The following SSC5D variants were observed in gnomAD, a reference collection of about 807,000 sequenced individuals.
The protein encoded by SSC5D is scavenger receptor cysteine rich family member with 5 domains.
SSC5D carries 106 observed loss-of-function variants against 104.6 expected under a neutral mutation model. That is an observed-to-expected ratio of 1.01 (90% confidence interval 0.87 to 1.19). The LOEUF (loss-of-function observed/expected upper bound fraction) is 1.19. SSC5D is among the 50% of genes most tolerant of loss of function. The pLI is 0.00. For missense variants in SSC5D, 1,993 were observed against 2,153.8 expected, an observed-to-expected ratio of 0.93 and a Z score of 1.48; for synonymous variants, 860 against 883.5, an observed-to-expected ratio of 0.97 and a Z score of 0.47.
intron 1 of SSC5D, 102 bp from the exon 2 acceptor site, chr19:55,488,904 G>GTGTGTGTGTA (rs1987037105): frequency 7.2e-6 from 1 of 139,830 alleles, no homozygotes; most frequent in African/African-American, 3.0e-4. Context: ...GTGTGTGTGT[G>GTGTGTGTGTA]TGTGTGTGTG....
In SSC5D at chr19:55,500,218, AG is replaced by A; in HGVS notation, c.2110del (p.Ala704ProfsTer13). The A allele has an allele frequency of 1.3e-6, 2 of 1,550,904 alleles. No individual in the cohort carries two copies. The highest frequency in any genetic ancestry group is 1.7e-6 in the Non-Finnish European group (2 of 1,146,848). ...CACACCACTGCCACGCTGACCCCTC[AG>A]GCCCCCCGAGAACGGACCACTAAGA... is the stretch of plus-strand genomic sequence containing the variant. ...TSHTTATLTP[Q>X]APRERTTKTM... On this transcript the variant is annotated frameshift_variant, in exon 10 of 14. Coordinates refer to ENST00000389623, the MANE Select transcript of SSC5D (RefSeq NM_001144950.2). LOFTEE classifies it high-confidence loss of function. The surrounding 1 kb of genome is among the most constrained non-coding windows in gnomAD (Gnocchi z 4.6).
At position 55,503,161 on chromosome 19, in the gene SSC5D, A is replaced by C. The variant is rs1330062405; in HGVS notation, c.2785+1960A>C. ...TCACTATGTTGCCCAGGCTGGTCTCAAACTCTTGGGCTCAAGTCATCGGCT... is the reference window on the plus strand; with the variant it reads ...TCACTATGTTGCCCAGGCTGGTCTCCAACTCTTGGGCTCAAGTCATCGGCT... On this transcript the variant is annotated intron_variant, in intron 12 of 13. Coordinates refer to ENST00000389623, the MANE Select transcript of SSC5D (RefSeq NM_001144950.2). The surrounding 1 kb of genome is among the most constrained non-coding windows in gnomAD (Gnocchi z 4.0). Among the ~76,000 whole-genome samples the C allele has an allele frequency of 1.3e-5, 2 of 151,938 alleles. No individual in the cohort carries two copies. The highest frequency in any genetic ancestry group is 1.3e-4 in the Admixed American group (2 of 15,244).
rs775648442 is a variant in SSC5D at position 55,518,242 on chromosome 19, C to A, written c.3966C>A (p.Thr1322=). The A allele has an allele frequency of 3.4e-6, 5 of 1,474,676 alleles. No individual in the cohort carries two copies. The African/African-American group carries it at 8.4e-5, about 25-fold the overall frequency. The allele number at this position is 1,474,676 out of a possible 1,614,324, so 91.3% of individuals were successfully genotyped here. The change falls in exon 14 of 14, where the codon ACC becomes ACA. Residue 1322 remains threonine (T), a synonymous_variant. Coordinates refer to ENST00000389623, the MANE Select transcript of SSC5D (RefSeq NM_001144950.2). ...YPTTTPDPTT[T]PHPTTPDPSS... ...CCACTACTCCTGATCCCACCACGAC[C>A]CCTCACCCCACAACTCCTGACCCTT...
chr19:55,499,750 G>C lies in SSC5D; in HGVS notation c.1706-66G>C, dbSNP rs1987420747. ...GGTGAGTGACTGGAGAGAAGGAGGG[G>C]CCTGGGTAGATGATCTTGTCATCAT... On this transcript the variant is annotated intron_variant, in intron 9 of 13. Transcript: ENST00000389623. 7 of 1,280,806 alleles carry C rather than the reference G, an allele frequency of 5.5e-6. No homozygotes were observed. The Admixed American group carries it at 9.2e-5, about 17-fold the overall frequency. 79.3% of individuals were successfully genotyped at this position (1,280,806 alleles called of 1,614,324 possible).
At chr19:55,516,917 C>A (rs113925846) in intron 13 of SSC5D, among the ~76,000 whole-genome samples, 9 of 151,908 alleles carry the variant, frequency 5.9e-5, no homozygotes, top group Admixed American at 4.6e-4. Context: ...CGCACCCCAG[C>A]ACCCCACGCA....
intron 12 of SSC5D, among the ~76,000 whole-genome samples, chr19:55,502,470 T>G (rs1377152758): frequency 6.6e-6 from 1 of 152,126 alleles, no homozygotes; most frequent in African/African-American, 2.4e-5. Context: ...TCGTGGTCAG[T>G]TTCTCTTTAT....
In SSC5D at chr19:55,517,722, C is replaced by T. The variant is rs1987905058; in HGVS notation, c.3446C>T (p.Pro1149Leu). The change falls in exon 14 of 14, where the codon CCT (proline) becomes CTT (leucine). Residue 1149 changes from proline (P) to leucine (L), a missense_variant. By Grantham distance (98) the Pro-to-Leu change is moderately conservative. Coordinates refer to ENST00000389623, the MANE Select transcript of SSC5D (RefSeq NM_001144950.2). ...YSRSPDPSPS[P>L]HPTTTPDPTM... is the part of the protein sequence containing the mutation. Reference sequence around the variant, plus strand: ...AGATCCCCAGACCCCTCCCCAAGCCCTCACCCCACTACTACCCCTGATCCC... The same window carrying T: ...AGATCCCCAGACCCCTCCCCAAGCCTTCACCCCACTACTACCCCTGATCCC... The T allele has an allele frequency of 1.9e-6, 3 of 1,550,640 alleles. No homozygotes were observed. Among genetic ancestry groups the T allele is most frequent in the Non-Finnish European group, 2.6e-6 (3 of 1,146,582 alleles).
Position 55,518,189 on chromosome 19 carries a change from C to G in SSC5D, c.3913C>G (p.Pro1305Ala), listed in dbSNP as rs200305118. 5.8e-3 allele frequency: 8,109 copies of G among 1,388,964 alleles called. 46 individuals carry two copies. Among genetic ancestry groups the G allele is most frequent in the African/African-American group, 0.018 (837 of 47,810 alleles). The allele number at this position is 1,388,964 out of a possible 1,614,324, so 86.0% of individuals were successfully genotyped here. ...PTTTPHPTMT[P>A]DPTTTPYPTT... ...CACAACCCCTCACCCCACCATGACT[C>G]CTGACCCCACCACGACCCCTTACCC... is the stretch of plus-strand genomic sequence containing the variant. Residue 1305 changes from proline to alanine, a missense_variant, in exon 14 of 14, where the codon CCT becomes GCT. Around this residue, in one of 6 missense-constraint regions of SSC5D, gnomAD observed 349 missense variants for 397.6 expected, o/e 0.88. Coordinates refer to ENST00000389623, the MANE Select transcript of SSC5D (RefSeq NM_001144950.2).
chr19:55,490,654 G>A (rs1258673082), intron 5 of SSC5D, 118 bp from the exon 6 acceptor site: 60 of 1,226,934 alleles, frequency 4.9e-5, no homozygotes, highest in African/African-American at 9.2e-5. Flanking sequence ...ACGGGCTGCC[G>A]GCGGACAGAT....
At position 55,515,396 on chromosome 19, in the gene SSC5D, CAAAAAAAAAA is replaced by C. The variant is rs71181781; in HGVS notation, c.2948-1816_2948-1807del. ...GGGCAACAGGAGTGAAACTCCGTCT[CAAAAAAAAAA>C]AAAAAAAAAAAGTTAAATGAATTAA... On this transcript the variant is annotated intron_variant, in intron 13 of 13. Coordinates refer to ENST00000389623, the MANE Select transcript of SSC5D (RefSeq NM_001144950.2). Among the ~76,000 whole-genome samples the C allele has an allele frequency of 3.5e-5, 3 of 86,582 alleles. No homozygotes were observed. The East Asian group carries it at 1.0e-3, about 30-fold the overall frequency. 56.8% of individuals were successfully genotyped at this position (86,582 alleles called of 152,430 possible).
In SSC5D at chr19:55,493,670, G is replaced by C; in HGVS notation, c.971G>C (p.Arg324Pro). 1 of 1,506,924 alleles carries C rather than the reference G, an allele frequency of 6.6e-7. No homozygotes were observed. The highest frequency in any genetic ancestry group is 8.8e-7 in the Non-Finnish European group (1 of 1,134,766). 93.3% of individuals were successfully genotyped at this position (1,506,924 alleles called of 1,614,324 possible). The change falls in exon 7 of 14, where the codon CGC (arginine) becomes CCC (proline). Residue 324 changes from arginine to proline, a missense_variant. Physicochemically the swap from Arg to Pro is moderately radical, Grantham distance 103 (BLOSUM62 -2). This residue lies in a region of SSC5D where 1,101 missense variants were observed against 1,085.0 expected (regional missense o/e 1.01). Transcript: ENST00000389623. ...CGCCTGGAGGTCTGGCACGGGGGTC[G>C]CTGGGGGTCGGTGTGTGACGACGCC... The part of the protein sequence containing the change: ...AGRLEVWHGG[R>P]WGSVCDDAWD...
In SSC5D at chr19:55,500,838, G is replaced by T. The variant is rs1472949208; in HGVS notation, c.2617+34G>T. 1.3e-6 allele frequency: 2 copies of T among 1,531,582 alleles called. No homozygotes were observed. Among genetic ancestry groups the T allele is most frequent in the Non-Finnish European group, 1.8e-6 (2 of 1,135,206 alleles). The allele number at this position is 1,531,582 out of a possible 1,614,324, so 94.9% of individuals were successfully genotyped here. ...GCATGGCGGCGGTGGTGGGGTTGTC[G>T]GGGGTGGCCAGGAGAATGGAGTCAG... On this transcript the variant is annotated intron_variant, in intron 11 of 13. Transcript: ENST00000389623. This position sits in a 1 kb window ranked among gnomAD's most constrained non-coding sequence, Gnocchi z 4.6.
chr19:55,488,745 C>T lies in SSC5D; in HGVS notation c.25+131C>T, dbSNP rs1408052720. On this transcript the variant is annotated intron_variant, in intron 1 of 13. Transcript: ENST00000389623. ...GCTCCTGCATACCCTGACATCCCTT[C>T]TGAGGATCCCTGCTCAATCTGCCCA... The T allele has an allele frequency of 1.1e-5, 9 of 829,704 alleles. No individual in the cohort carries two copies. The African/African-American group carries it at 1.4e-4, about 13-fold the overall frequency. 51.4% of individuals were successfully genotyped at this position (829,704 alleles called of 1,614,324 possible).
rs1216314255 is a variant in SSC5D, at chr19:55,517,803, C to G, written c.3527C>G (p.Pro1176Arg). ...TLNPTVTPHF[P>R]TTPHPTTTPH... ...AACCCTACTGTGACCCCTCACTTCCCTACCACCCCTCACCCCACCACGACC... is the reference window on the plus strand; with the variant it reads ...AACCCTACTGTGACCCCTCACTTCCGTACCACCCCTCACCCCACCACGACC... The change falls in exon 14 of 14, where the codon CCT becomes CGT. Residue 1176 changes from proline to arginine, a missense_variant. By Grantham distance (103) the Pro-to-Arg change is moderately radical. Transcript: ENST00000389623. The G allele has an allele frequency of 6.5e-7, 1 of 1,548,956 alleles. No homozygotes were observed. Among genetic ancestry groups the G allele is most frequent in the East Asian group, 2.5e-5 (1 of 40,778 alleles).
In SSC5D at chr19:55,490,780, C is replaced by T. The variant is rs1037429988; in HGVS notation, c.595C>T (p.Arg199Cys). ...CCCTGCTCACCCCACAGAGCGGCTG[C>T]GCCTGGTCTCTGGCCCCCACAGGTG... ...TTGAPRQERL[R>C]LVSGPHRCAG... is the part of the protein sequence containing the mutation. Residue 199 changes from arginine (R) to cysteine (C), a missense_variant, in exon 6 of 14, where the codon CGC (arginine) becomes TGC (cysteine). By Grantham distance (180) the Arg-to-Cys change is radical. This residue lies in a region of SSC5D where 1,101 missense variants were observed against 1,085.0 expected (regional missense o/e 1.01). Transcript: ENST00000389623. 18 of 1,534,580 alleles carry T rather than the reference C, an allele frequency of 1.2e-5. No homozygotes were observed. Among genetic ancestry groups the T allele is most frequent in the Middle Eastern group, 1.8e-4 (1 of 5,430 alleles).
chr19:55,498,550 G>A (rs1411654467), intron 9 of SSC5D, among the ~76,000 whole-genome samples: 1 of 152,202 alleles, frequency 6.6e-6, no homozygotes, highest in African/African-American at 2.4e-5. Context: ...TTCCTACGAT[G>A]AAAGGAAGCA....
intron 7 of SSC5D, 64 bp downstream of exon 7, chr19:55,493,976 TTCG>T: frequency 3.1e-5 from 1 of 31,810 alleles, no homozygotes; most frequent in East Asian, 4.7e-4. Context: ...GAGGGGCAAG[TTCG>T]GCGGGGGCGG....
Position 55,489,523 on chromosome 19 carries a change from C to T in SSC5D, c.222C>T (p.Phe74=), listed in dbSNP as rs770459683. 154 of 1,468,170 alleles carry T rather than the reference C, an allele frequency of 1.0e-4. 4 individuals are homozygous for T. In the South Asian group the frequency reaches 2.0e-3, roughly 19 times the overall value. The allele number at this position is 1,468,170 out of a possible 1,614,324, so 90.9% of individuals were successfully genotyped here. Residue 74 remains phenylalanine, a synonymous_variant, in exon 3 of 14, where the codon TTC becomes TTT. Transcript: ENST00000389623. ...CACTGGCCGCCCCGGGAGGCGCCTT[C>T]TTCGGGGAGGGGGCAGGGCCTGTGT... The part of the protein sequence containing the change: ...GGALAAPGGA[F]FGEGAGPVWL...
At chr19:55,508,991 T>C (rs1196309755) in intron 12 of SSC5D, among the ~76,000 whole-genome samples, 1 of 151,808 alleles carries the variant, frequency 6.6e-6, no homozygotes, top group African/African-American at 2.4e-5. Flanking sequence ...GCATGGCCTG[T>C]GGACTAACTC....
Sources: gnomAD v4.1 joint callset for allele counts (sites outside exome capture counted in the v4.1 genomes callset) on GRCh38, gnomAD v4.1.1 for gene constraint, gnomAD v4.1.1 regional missense constraint, Gnocchi (gnomAD v3.1) non-coding constraint, MANE v1.5 for transcripts, NCBI Gene and HGNC (gene_info 2026-07-23, HGNC 2026-07-21) for gene names.